Variants in RNF180 observed in about 807,000 individuals in gnomAD.
RNF180 encodes the protein E3 ubiquitin-protein ligase RNF180.
In RNF180, 38 loss-of-function variants were observed where a neutral mutation model predicts 59.2. The ratio of observed to expected loss-of-function variants is 0.64; its 90% CI spans 0.50 to 0.84. The LOEUF is 0.84. Ranked by LOEUF, RNF180 falls within the 40% of genes least tolerant of loss-of-function variation. RNF180 has a pLI of 0.00. For synonymous variants in RNF180, 262 were observed against 240.3 expected (o/e 1.09, Z -0.84); for missense variants, 705 against 700.9 (o/e 1.01, Z -0.07).
intron 1 of RNF180, among the ~76,000 whole-genome samples, chr5:64,183,052 C>T (rs1434107772): frequency 6.6e-6 from 1 of 152,170 alleles, no homozygotes; most frequent in Non-Finnish European, 1.5e-5. Context: ...TTTGTTGCAT[C>T]CTCCATTTCA....
intron 5 of RNF180, among the ~76,000 whole-genome samples, chr5:64,318,690 A>T (rs1037210215): frequency 2.0e-4 from 30 of 152,278 alleles, no homozygotes; most frequent in African/African-American, 6.7e-4. Context: ...GGGATTATAG[A>T]AAAGGGTATA....
At chr5:64,344,865 C>T (rs935536251) in intron 7 of RNF180, among the ~76,000 whole-genome samples, 1 of 151,878 alleles carries the variant, frequency 6.6e-6, no homozygotes, top group African/African-American at 2.4e-5. Context: ...TGGACTGAGA[C>T]TTCCAGTCTG....
In RNF180 at chr5:64,264,850, A is replaced by G. The variant is rs550311540; in HGVS notation, c.1227+47454A>G. On this transcript the variant is annotated intron_variant, in intron 5 of 7. Transcript: ENST00000389100. ...GAACTAATTTACACTCCCACCAACAATGTAAAAGCATTCCTACTTCACATC... is the reference window on the plus strand; with the variant it reads ...GAACTAATTTACACTCCCACCAACAGTGTAAAAGCATTCCTACTTCACATC... Among the ~76,000 whole-genome samples, 181 of 152,242 alleles carry G rather than the reference A, an allele frequency of 1.2e-3. 2 individuals carry two copies. The highest frequency in any genetic ancestry group is 2.2e-3 in the Non-Finnish European group (152 of 67,994).
chr5:64,214,687 A>G (rs1369434178), intron 4 of RNF180, among the ~76,000 whole-genome samples, 170 bp downstream of exon 4: 2 of 152,158 alleles, frequency 1.3e-5, no homozygotes, highest in Non-Finnish European at 2.9e-5. Flanking sequence ...TATAATTGGC[A>G]TGTATAACCC....
At chr5:64,240,425 T>TAA (rs1418253479) in intron 5 of RNF180, among the ~76,000 whole-genome samples, 7 of 152,208 alleles carry the variant, frequency 4.6e-5, no homozygotes, top group African/African-American at 1.7e-4. Context: ...ATAGAGTCTA[T>TAA]GAAAGCCTTA....
intron 5 of RNF180, among the ~76,000 whole-genome samples, chr5:64,259,956 C>A (rs1407379596): frequency 2.0e-5 from 3 of 151,976 alleles, no homozygotes; most frequent in Non-Finnish European, 4.4e-5. Context: ...AAAATTCAAA[C>A]CCTATGAAAA....
At chr5:64,250,645 T>C (rs1476443206) in intron 5 of RNF180, among the ~76,000 whole-genome samples, 1 of 151,996 alleles carries the variant, frequency 6.6e-6, no homozygotes, top group Admixed American at 6.6e-5. Flanking sequence ...CACCAACAAA[T>C]TGGATAACCT....
intron 3 of RNF180, among the ~76,000 whole-genome samples, 196 bp downstream of exon 3, chr5:64,212,356 A>G (rs533464552): frequency 1.8e-4 from 28 of 151,990 alleles, no homozygotes; most frequent in Non-Finnish European, 3.5e-4. Flanking sequence ...ACACACACAC[A>G]CATGCACACA....
Position 64,312,709 on chromosome 5 carries a change from C to A in RNF180, c.1228-12477C>A, listed in dbSNP as rs530128780. Among the ~76,000 whole-genome samples, 491 of 151,984 alleles carry A rather than the reference C, an allele frequency of 3.2e-3. 1 individual carries two copies. The highest frequency in any genetic ancestry group is 0.012 in the African/African-American group (483 of 41,508). ...GTGCTGGAAAACACCCACACAGGAA[C>A]AGGAGTAGGTGGTACCAAAATCACA... On this transcript the variant is annotated intron_variant, in intron 5 of 7. Transcript: ENST00000389100.
intron 5 of RNF180, among the ~76,000 whole-genome samples, chr5:64,258,243 C>A (rs563397426): frequency 6.6e-6 from 1 of 152,064 alleles, no homozygotes; most frequent in East Asian, 1.9e-4. Context: ...ATGTAGAGAC[C>A]AAAACTAAAA....
At chr5:64,166,956 T>C (rs555228839) in intron 1 of RNF180, among the ~76,000 whole-genome samples, 1 of 152,180 alleles carries the variant, frequency 6.6e-6, no homozygotes, top group East Asian at 1.9e-4. Flanking sequence ...AAAAATAGAG[T>C]CAATTCCTTT....
chr5:64,363,151 C>T (rs376748570), intron 7 of RNF180, among the ~76,000 whole-genome samples: 1 of 151,698 alleles, frequency 6.6e-6, no homozygotes, highest in African/African-American at 2.4e-5. Context: ...TTGGCATCTT[C>T]ATCATGAAAT....
chr5:64,328,881 A>C (rs530541441), intron 6 of RNF180, among the ~76,000 whole-genome samples: 1 of 152,292 alleles, frequency 6.6e-6, no homozygotes, highest in African/African-American at 2.4e-5. Flanking sequence ...GTAAGAGGGG[A>C]TGGTTGATGG....
At chr5:64,261,225 A>G (rs941220555) in intron 5 of RNF180, among the ~76,000 whole-genome samples, 1 of 152,148 alleles carries the variant, frequency 6.6e-6, no homozygotes, top group African/African-American at 2.4e-5. Context: ...TGTCAGTTTT[A>G]TCCTTTTGGA....
At chr5:64,241,955 C>A (rs543946943) in intron 5 of RNF180, among the ~76,000 whole-genome samples, 2 of 152,308 alleles carry the variant, frequency 1.3e-5, no homozygotes, top group Admixed American at 1.3e-4. Flanking sequence ...TACTCACTGA[C>A]AGATCCTCTA....
intron 1 of RNF180, among the ~76,000 whole-genome samples, chr5:64,182,777 A>C (rs796268391): frequency 5.9e-5 from 9 of 152,294 alleles, no homozygotes; most frequent in African/African-American, 1.9e-4. Flanking sequence ...AGCAAAGAAA[A>C]AGTTTAAAGT....
chr5:64,217,553 C>A, intron 5 of RNF180, 157 bp downstream of exon 5: 1 of 1,163,756 alleles, frequency 8.6e-7, no homozygotes, highest in Non-Finnish European at 1.1e-6. Flanking sequence ...CATTCAAATA[C>A]ATAGACAGTT....
intron 3 of RNF180, among the ~76,000 whole-genome samples, chr5:64,213,096 A>T (rs1349473706): frequency 6.6e-6 from 1 of 152,198 alleles, no homozygotes; most frequent in Non-Finnish European, 1.5e-5. Context: ...TGTATGTAAA[A>T]AGCCAGGAAG....
At chr5:64,255,010 T>C (rs1743845798) in intron 5 of RNF180, among the ~76,000 whole-genome samples, 2 of 152,128 alleles carry the variant, frequency 1.3e-5, no homozygotes, top group South Asian at 4.1e-4. Flanking sequence ...ACATTCTCCA[T>C]ATTTCTAAAG....
Sources: gnomAD v4.1 joint callset for allele counts (sites outside exome capture counted in the v4.1 genomes callset) on GRCh38, gnomAD v4.1.1 for gene constraint, MANE v1.5 for transcripts, NCBI Gene and HGNC (gene_info 2026-07-23, HGNC 2026-07-21) for gene names.